Variants in PIK3C2G observed in about 807,000 individuals in gnomAD.
The protein encoded by PIK3C2G is phosphatidylinositol-4-phosphate 3-kinase catalytic subunit type 2 gamma.
PIK3C2G carries 168 observed loss-of-function variants against 181.1 expected under a neutral mutation model. That is an observed-to-expected ratio of 0.93 (90% CI 0.82 to 1.05). The LOEUF (loss-of-function observed/expected upper bound fraction) is 1.05. Ranked by LOEUF, PIK3C2G falls within the 50% of genes least tolerant of loss-of-function variation. PIK3C2G has a pLI of 0.00. For synonymous variants in PIK3C2G, 573 were observed against 592.2 expected (o/e 0.97, Z 0.47); for missense variants, 1,869 against 1,732.8 (o/e 1.08, Z -1.40).
At chr12:18,342,945 T>A (rs1939277804) in intron 9 of PIK3C2G, among the ~76,000 whole-genome samples, 1 of 152,212 alleles carries the variant, frequency 6.6e-6, no homozygotes, top group Admixed American at 6.5e-5. Flanking sequence ...AGTCTTGTTT[T>A]TGGTGCTGTC....
chr12:18,530,333 C>T (rs1565480671), intron 24 of PIK3C2G, among the ~76,000 whole-genome samples: 1 of 152,160 alleles, frequency 6.6e-6, no homozygotes, highest in Non-Finnish European at 1.5e-5. Context: ...TTCTGATGAA[C>T]ATTGTACTAT....
At chr12:18,288,118 C>T (rs555855568) in intron 3 of PIK3C2G, among the ~76,000 whole-genome samples, 30 of 152,086 alleles carry the variant, frequency 2.0e-4, no homozygotes, top group East Asian at 7.8e-4. Flanking sequence ...GCTGAGGTCG[C>T]GCCACTGCAC....
intron 5 of PIK3C2G, among the ~76,000 whole-genome samples, chr12:18,301,139 C>T (rs1052060948): frequency 6.6e-6 from 1 of 152,076 alleles, no homozygotes; most frequent in African/African-American, 2.4e-5. Flanking sequence ...TTTTACAATA[C>T]TCTTTGTCTT....
Position 18,302,400 on chromosome 12 carries a change from G to A in PIK3C2G, c.1034+8385G>A, listed in dbSNP as rs369282670. ...GTCCCCCAGTGGCTTGTGTGAATGGGTTCCAGCAGTGGTGGTGGTGCCATG... is the reference window on the plus strand; with the variant it reads ...GTCCCCCAGTGGCTTGTGTGAATGGATTCCAGCAGTGGTGGTGGTGCCATG... On this transcript the variant is annotated intron_variant, in intron 5 of 32. Coordinates refer to ENST00000538779, the MANE Select transcript of PIK3C2G (RefSeq NM_001288772.2). Among the ~76,000 whole-genome samples the A allele has an allele frequency of 4.5e-4, 68 of 152,294 alleles. No homozygotes were observed. The East Asian group carries it at 0.013, about 29-fold the overall frequency.
the PIK3C2G span, among the ~76,000 whole-genome samples, chr12:18,670,848 C>A: frequency 6.6e-6 from 1 of 152,078 alleles, no homozygotes; most frequent in African/African-American, 2.4e-5. Context: ...TTGATCAAAT[C>A]AGTTAGGAAG....
At chr12:18,580,684 A>T (rs1382745967) in intron 29 of PIK3C2G, among the ~76,000 whole-genome samples, 1 of 152,234 alleles carries the variant, frequency 6.6e-6, no homozygotes, top group Non-Finnish European at 1.5e-5. Flanking sequence ...TCATTCTTCC[A>T]TGTAACTCTA....
At chr12:18,465,017 C>G (rs1937706839) in intron 18 of PIK3C2G, among the ~76,000 whole-genome samples, 1 of 151,816 alleles carries the variant, frequency 6.6e-6, no homozygotes, top group South Asian at 2.1e-4. Flanking sequence ...CATTTGTAAA[C>G]TCTCTAATCT....
chr12:18,392,681 A>G (rs1943610856), intron 15 of PIK3C2G, among the ~76,000 whole-genome samples: 1 of 152,044 alleles, frequency 6.6e-6, no homozygotes, highest in Admixed American at 6.6e-5. Flanking sequence ...ACTTAACACA[A>G]GCTATTATCC....
chr12:18,680,081 T>C, the PIK3C2G span, among the ~76,000 whole-genome samples: 1 of 152,026 alleles, frequency 6.6e-6, no homozygotes, highest in Non-Finnish European at 1.5e-5. Context: ...AGTGTGTTAT[T>C]ACTTGGAAAG....
Position 18,290,913 on chromosome 12 carries a change from A to G in PIK3C2G, c.820A>G (p.Thr274Ala). The G allele has an allele frequency of 2.5e-6, 4 of 1,594,634 alleles. No homozygotes were observed. The highest frequency in any genetic ancestry group is 8.6e-7 in the Non-Finnish European group (1 of 1,162,416). The change falls in exon 4 of 33, where the codon ACT becomes GCT. Residue 274 changes from threonine to alanine, a missense_variant. Transcript: ENST00000538779. ...TTTCAATTCTGGGAAGATCTGGAGC[A>G]CTACTACAGCATTTCCGTATCAGCT... ...VNFNSGKIWS[T>A]TTAFPYQLFS...
At chr12:18,298,526 G>A (rs1950041778) in intron 5 of PIK3C2G, among the ~76,000 whole-genome samples, 1 of 149,854 alleles carries the variant, frequency 6.7e-6, no homozygotes, top group Non-Finnish European at 1.5e-5. Flanking sequence ...TGTTTTGTTT[G>A]CTATGCAGGA....
downstream of PIK3C2G, among the ~76,000 whole-genome samples, chr12:18,652,893 A>ATATGTATATACATGTATATACATG (rs1950578574): frequency 6.6e-6 from 1 of 152,038 alleles, no homozygotes; most frequent in African/African-American, 2.4e-5. Flanking sequence ...ACATATACAT[A>ATATGTATATACATGTATATACATG]TATATGTATA....
intron 30 of PIK3C2G, among the ~76,000 whole-genome samples, chr12:18,597,510 A>G (rs1179467835): frequency 6.6e-6 from 1 of 152,152 alleles, no homozygotes; most frequent in Non-Finnish European, 1.5e-5. Context: ...GGCTTAACTC[A>G]TCTATTAAGG....
At chr12:18,599,133 C>T (rs1372505039) in intron 30 of PIK3C2G, among the ~76,000 whole-genome samples, 1 of 152,100 alleles carries the variant, frequency 6.6e-6, no homozygotes, top group Non-Finnish European at 1.5e-5. Flanking sequence ...TTTGACCCAG[C>T]CATCCCATTA....
At chr12:18,396,594 G>A (rs1317808621) in intron 15 of PIK3C2G, among the ~76,000 whole-genome samples, 1 of 151,374 alleles carries the variant, frequency 6.6e-6, no homozygotes, top group Non-Finnish European at 1.5e-5. Flanking sequence ...ATTATGTAAA[G>A]GTCACAGCAT....
At chr12:18,698,720 A>AAC in the PIK3C2G span, among the ~76,000 whole-genome samples, 3 of 152,210 alleles carry the variant, frequency 2.0e-5, no homozygotes, top group Non-Finnish European at 2.9e-5. Flanking sequence ...AATGTCTAGT[A>AAC]ACACATCAGG....
In PIK3C2G at chr12:18,534,534, T is replaced by A. The variant is rs577103964; in HGVS notation, c.3324-3622T>A. On this transcript the variant is annotated intron_variant, in intron 24 of 32. Coordinates refer to ENST00000538779, the MANE Select transcript of PIK3C2G (RefSeq NM_001288772.2). Reference sequence around the variant, plus strand: ...TGGCCTTCCCAAATAAATGTCAAATTGTTACAAGCTCTTCACTATATGAGC... The same window carrying A: ...TGGCCTTCCCAAATAAATGTCAAATAGTTACAAGCTCTTCACTATATGAGC... Among the ~76,000 whole-genome samples the A allele has an allele frequency of 7.9e-5, 12 of 152,200 alleles. No individual in the cohort carries two copies. In the South Asian group the frequency reaches 1.5e-3, roughly 18 times the overall value.
rs549057853 is a variant in PIK3C2G at position 18,297,327 on chromosome 12, T to C, written c.1034+3312T>C. ...TATTTACTAGGAGCGCAGGTTTTTC[T>C]GTTTCTCAATCCTAACCAAAAAACC... On this transcript the variant is annotated intron_variant, in intron 5 of 32. Coordinates refer to ENST00000538779, the MANE Select transcript of PIK3C2G (RefSeq NM_001288772.2). Among the ~76,000 whole-genome samples the C allele has an allele frequency of 4.6e-5, 7 of 152,202 alleles. No individual in the cohort carries two copies. The South Asian group carries it at 1.5e-3, about 32-fold the overall frequency.
rs569946435 is a variant in PIK3C2G at position 18,635,043 on chromosome 12, G to A, written c.4183-5386G>A. 1.4e-4 allele frequency among the ~76,000 whole-genome samples: 21 copies of A among 152,284 alleles called. No homozygotes were observed. In the East Asian group the frequency reaches 4.1e-3, roughly 30 times the overall value. On this transcript the variant is annotated intron_variant, in intron 31 of 32. Transcript: ENST00000538779. ...GGCCATTTCTCCTTCCAAGCAAAGT[G>A]AACAAGCAGGTGAACTGCTTGAAAT... is the stretch of plus-strand genomic sequence containing the variant.
Sources: gnomAD v4.1 joint callset for allele counts (sites outside exome capture counted in the v4.1 genomes callset) on GRCh38, gnomAD v4.1.1 for gene constraint, MANE v1.5 for transcripts, NCBI Gene and HGNC (gene_info 2026-07-23, HGNC 2026-07-21) for gene names.